Variants in ST7 observed in about 807,000 individuals in gnomAD.
The protein encoded by ST7 is suppression of tumorigenicity 7.
A neutral mutation model predicts 78.7 loss-of-function variants in ST7; 28 were observed. The observed-to-expected ratio is 0.36, with a 90% CI of 0.26 to 0.49. The LOEUF (loss-of-function observed/expected upper bound fraction) is 0.49, where lower values mean the gene tolerates loss of function less well. Among genes scored for constraint, ST7 ranks in the 20% least tolerant of loss-of-function variants. The pLI, the probability that ST7 is intolerant of heterozygous loss-of-function variation, is 0.99. For missense variants in ST7, 418 were observed against 696.0 expected, an observed-to-expected ratio of 0.60 and a Z score of 4.49; for synonymous variants, 247 against 249.6, an observed-to-expected ratio of 0.99 and a Z score of 0.10.
chr7:117,038,277 TG>T (rs1170372381), intron 1 of ST7, among the ~76,000 whole-genome samples: 1 of 152,226 alleles, frequency 6.6e-6, no homozygotes, highest in African/African-American at 2.4e-5. Flanking sequence ...ACTTTTTCTC[TG>T]TTGGGTATTG....
chr7:117,209,763 G>A (rs1792135828), intron 12 of ST7, 24 bp from the exon 13 acceptor site: 2 of 1,608,548 alleles, frequency 1.2e-6, no homozygotes, highest in Non-Finnish European at 1.7e-6. Flanking sequence ...ATTAACACAA[G>A]TGTGTCCTGC....
intron 1 of ST7, among the ~76,000 whole-genome samples, chr7:116,970,132 A>G (rs987773672): frequency 6.6e-6 from 1 of 152,120 alleles, no homozygotes; most frequent in African/African-American, 2.4e-5. Context: ...AAGGAAAGCT[A>G]TGTTATAGAG....
chr7:116,980,607 A>T (rs1439318698), intron 1 of ST7, among the ~76,000 whole-genome samples: 2 of 152,220 alleles, frequency 1.3e-5, no homozygotes, highest in Admixed American at 1.3e-4. Flanking sequence ...AACAGCTGGC[A>T]GTCTATATGG....
chr7:117,151,069 A>G (rs1354981104), intron 9 of ST7, among the ~76,000 whole-genome samples: 3 of 152,206 alleles, frequency 2.0e-5, no homozygotes, highest in Non-Finnish European at 2.9e-5. Context: ...TCAGGTTACC[A>G]CTGTCTTTCA....
intron 9 of ST7, among the ~76,000 whole-genome samples, chr7:117,162,498 A>G (rs1807237392): frequency 6.7e-6 from 1 of 148,818 alleles, no homozygotes; most frequent in Non-Finnish European, 1.5e-5. Context: ...GAATATCCGC[A>G]CACGGGGGAT....
intron 1 of ST7, among the ~76,000 whole-genome samples, chr7:116,994,907 C>T (rs1332655065): frequency 6.6e-6 from 1 of 152,168 alleles, no homozygotes; most frequent in Non-Finnish European, 1.5e-5. Context: ...TTACTTTTCA[C>T]TCTTTTTTTT....
chr7:116,968,037 T>C (rs1793214038), intron 1 of ST7, among the ~76,000 whole-genome samples: 1 of 152,216 alleles, frequency 6.6e-6, no homozygotes, highest in African/African-American at 2.4e-5. Flanking sequence ...TTAACTTTGC[T>C]CCTTAACTCT....
At chr7:117,123,838 T>C (rs1803604342) in intron 3 of ST7, among the ~76,000 whole-genome samples, 1 of 152,014 alleles carries the variant, frequency 6.6e-6, no homozygotes, top group African/African-American at 2.4e-5. Flanking sequence ...AAGTGGAGAG[T>C]GCTCTGTCAC....
At chr7:117,129,383 T>C (rs1051171813) in intron 3 of ST7, among the ~76,000 whole-genome samples, 6 of 151,956 alleles carry the variant, frequency 3.9e-5, no homozygotes, top group Non-Finnish European at 4.4e-5. Context: ...TACTCTATAG[T>C]TTGTCTTGTC....
Position 117,219,927 on chromosome 7 carries a change from T to A in ST7, c.1498+751T>A, listed in dbSNP as rs1202407816. ...ATGGTTATTATCAAATCATACTATG[T>A]ACAAGGATCATGTCAGGCTCTTCAT... On this transcript the variant is annotated intron_variant, in intron 14 of 15. Transcript: ENST00000323984. This position sits in a 1 kb window ranked among gnomAD's most constrained non-coding sequence, Gnocchi z 5.1. Among the ~76,000 whole-genome samples, 2 of 152,228 alleles carry A rather than the reference T, an allele frequency of 1.3e-5. No homozygotes were observed. The highest frequency in any genetic ancestry group is 3.8e-4 in the East Asian group (2 of 5,200).
chr7:116,990,770 A>G (rs137898634), intron 1 of ST7, among the ~76,000 whole-genome samples: 90 of 152,148 alleles, frequency 5.9e-4, no homozygotes, highest in African/African-American at 2.0e-3. Flanking sequence ...CTTTGTTACT[A>G]TTTTTTAGTT....
intron 10 of ST7, among the ~76,000 whole-genome samples, chr7:117,176,562 T>A (rs1458958129): frequency 6.6e-6 from 1 of 152,228 alleles, no homozygotes; most frequent in Non-Finnish European, 1.5e-5. Flanking sequence ...TAAACCTTGC[T>A]TATTTCCCAA....
At chr7:116,958,797 C>A in intron 1 of ST7, 1 of 379,976 alleles carries the variant, frequency 2.6e-6, no homozygotes, top group South Asian at 2.0e-5. Context: ...AATGTATATA[C>A]CTTAATTTAA....
intron 1 of ST7, among the ~76,000 whole-genome samples, chr7:117,091,577 A>G (rs1800617093): frequency 6.6e-6 from 1 of 152,200 alleles, no homozygotes; most frequent in African/African-American, 2.4e-5. Flanking sequence ...TTATTTATGA[A>G]CAATCGGGAA....
chr7:117,192,749 A>G (rs1809911043), intron 12 of ST7, among the ~76,000 whole-genome samples: 1 of 152,178 alleles, frequency 6.6e-6, no homozygotes. Flanking sequence ...TAATGCTAAA[A>G]CACTGGTCTG....
At chr7:117,023,722 A>G (rs2116063025) in intron 1 of ST7, among the ~76,000 whole-genome samples, 1 of 152,116 alleles carries the variant, frequency 6.6e-6, no homozygotes, top group Admixed American at 6.6e-5. Flanking sequence ...AAGTACTATC[A>G]AGTTTTGTTG....
At chr7:117,011,296 C>T (rs1265866726) in intron 1 of ST7, among the ~76,000 whole-genome samples, 2 of 152,158 alleles carry the variant, frequency 1.3e-5, no homozygotes, top group Non-Finnish European at 2.9e-5. Context: ...TAGGACAATA[C>T]ATCCTGGCTC....
chr7:117,167,204 T>A (rs1456453280), intron 9 of ST7, among the ~76,000 whole-genome samples: 4 of 150,122 alleles, frequency 2.7e-5, no homozygotes, highest in Non-Finnish European at 5.9e-5. Flanking sequence ...TATATCACCC[T>A]CTGCTATCCC....
intron 1 of ST7, among the ~76,000 whole-genome samples, chr7:117,027,468 T>TAAAAGTAAAAGTAAAAGTA (rs778094133): frequency 2.2e-5 from 3 of 134,916 alleles, no homozygotes; most frequent in African/African-American, 1.1e-4. Flanking sequence ...AAAGTAAAAG[T>TAAAAGTAAAAGTAAAAGTA]AAAGTAAAGT....
Sources: gnomAD v4.1 joint callset for allele counts (sites outside exome capture counted in the v4.1 genomes callset) on GRCh38, gnomAD v4.1.1 for gene constraint, Gnocchi (gnomAD v3.1) non-coding constraint, MANE v1.5 for transcripts, NCBI Gene and HGNC (gene_info 2026-07-23, HGNC 2026-07-21) for gene names.